CDK15: variants seen among roughly 807,000 people sequenced by gnomAD.
CDK15 encodes cyclin dependent kinase 15.
CDK15 carries 62 observed loss-of-function variants against 60.3 expected under a neutral mutation model. The observed-to-expected ratio is 1.03, with a 90% CI of 0.84 to 1.27. CDK15 has a LOEUF of 1.27. Among genes scored for constraint, CDK15 ranks in the 50% most tolerant of loss-of-function variants. CDK15 has a pLI of 0.00. For missense variants in CDK15, 541 were observed against 527.8 expected (o/e 1.03, Z -0.25); for synonymous variants, 194 against 195.7 (o/e 0.99, Z 0.07).
chr2:201,836,047 TTA>T (rs1218505569), intron 8 of CDK15, among the ~76,000 whole-genome samples: 91 of 74,960 alleles, frequency 1.2e-3, no homozygotes, highest in African/African-American at 3.1e-3. Flanking sequence ...TTATATATAT[TTA>T]TATATATATT....
intron 10 of CDK15, chr2:201,860,795 C>T (rs569792886): frequency 2.2e-6 from 3 of 1,352,062 alleles, no homozygotes; most frequent in Non-Finnish European, 2.9e-6. Flanking sequence ...CATCGTACTG[C>T]AGCAATGCAG....
At chr2:201,870,059 T>C (rs1698796669) in intron 10 of CDK15, among the ~76,000 whole-genome samples, 1 of 152,240 alleles carries the variant, frequency 6.6e-6, no homozygotes, top group Non-Finnish European at 1.5e-5. Flanking sequence ...CCACATTTGA[T>C]TGCGCCTGAC....
intron 3 of CDK15, 38 bp downstream of exon 3, chr2:201,807,990 G>C (rs750372686): frequency 6.5e-6 from 10 of 1,538,406 alleles, no homozygotes; most frequent in Admixed American, 1.8e-5. Flanking sequence ...TTAGAGATGA[G>C]AGTCCCGCCC....
intron 12 of CDK15, among the ~76,000 whole-genome samples, chr2:201,885,733 A>C (rs1238083367): frequency 6.6e-6 from 1 of 152,252 alleles, no homozygotes; most frequent in Non-Finnish European, 1.5e-5. Flanking sequence ...AGAGTTATTT[A>C]TAAAGGATCT....
intron 8 of CDK15, among the ~76,000 whole-genome samples, chr2:201,844,356 A>G (rs1697546108): frequency 6.6e-6 from 1 of 152,200 alleles, no homozygotes; most frequent in Non-Finnish European, 1.5e-5. Flanking sequence ...TAGGTTTCTC[A>G]GTTGGCTTAT....
chr2:201,822,214 C>T (rs1225083305), intron 4 of CDK15, among the ~76,000 whole-genome samples: 3 of 152,216 alleles, frequency 2.0e-5, no homozygotes, highest in Admixed American at 2.0e-4. Context: ...GCCGACTCCT[C>T]TTTTCAAGTT....
chr2:201,809,554 T>G (rs2106148659), intron 3 of CDK15, among the ~76,000 whole-genome samples: 1 of 152,368 alleles, frequency 6.6e-6, no homozygotes, highest in South Asian at 2.1e-4. Context: ...ATATTTGTGC[T>G]GCATGATTTT....
At position 201,843,414 on chromosome 2, in the gene CDK15, C is replaced by G. The variant is rs561437993; in HGVS notation, c.852-3967C>G. On this transcript the variant is annotated intron_variant, in intron 8 of 13. Coordinates refer to ENST00000652192, the MANE Select transcript of CDK15 (RefSeq NM_001366386.2). ...GTTGGCCAGGCTGGTCTCGAACTGACCTCATGATCTGCCCGCCTCGGCCTC... is the reference window on the plus strand; with the variant it reads ...GTTGGCCAGGCTGGTCTCGAACTGAGCTCATGATCTGCCCGCCTCGGCCTC... Among the ~76,000 whole-genome samples the G allele has an allele frequency of 2.0e-5, 3 of 152,124 alleles. No individual in the cohort carries two copies. In the South Asian group the frequency reaches 6.2e-4, roughly 32 times the overall value.
chr2:201,848,191 A>G (rs1697754359), intron 9 of CDK15, among the ~76,000 whole-genome samples: 1 of 152,144 alleles, frequency 6.6e-6, no homozygotes, highest in South Asian at 2.1e-4. Context: ...ACCATTTATC[A>G]TGCTTATCCA....
intron 1 of CDK15, among the ~76,000 whole-genome samples, chr2:201,807,204 A>G (rs1280469238): frequency 6.6e-6 from 1 of 152,234 alleles, no homozygotes; most frequent in Admixed American, 6.5e-5. Context: ...CATGAAAAAA[A>G]AAAGCCAGAC....
chr2:201,861,710 G>A (rs73057606), intron 10 of CDK15, among the ~76,000 whole-genome samples: 8,740 of 151,902 alleles, frequency 0.058, 814 homozygotes, highest in African/African-American at 0.19. Flanking sequence ...ACAGGCGCAC[G>A]CCACTGAACC....
chr2:201,806,861 G>A (rs765610831), intron 1 of CDK15, 74 bp downstream of exon 1: 27 of 1,537,622 alleles, frequency 1.8e-5, no homozygotes, highest in Admixed American at 1.0e-4. Flanking sequence ...TTTTTGTAGC[G>A]GGATCTGATT....
rs1188962914 is a variant in CDK15 at position 201,894,939 on chromosome 2, A to G, written c.*1672A>G. 1 of 152,048 alleles carries G rather than the reference A, an allele frequency of 6.6e-6. No individual in the cohort carries two copies. Among genetic ancestry groups the G allele is most frequent in the African/African-American group, 2.4e-5 (1 of 41,266 alleles). 9.4% of individuals were successfully genotyped at this position (152,048 alleles called of 1,614,324 possible). On this transcript the variant is annotated 3_prime_UTR_variant, in exon 14 of 14. Transcript: ENST00000652192. ...TTCTTACACTTTGGGCTACAACTTA[A>G]AAAAGGCTATGACTTAGTGGAAATT...
chr2:201,808,003 C>G lies in CDK15; in HGVS notation c.368+51C>G, dbSNP rs374756467. The G allele has an allele frequency of 2.3e-5, 34 of 1,478,870 alleles. No homozygotes were observed. The South Asian group carries it at 2.5e-4, about 11-fold the overall frequency. The allele number at this position is 1,478,870 out of a possible 1,614,324, so 91.6% of individuals were successfully genotyped here. A position where few individuals can be genotyped will look rare whatever the true frequency, so the allele number is the denominator to read the frequency against. Reference sequence around the variant, plus strand: ...CTTTAGAGATGAGAGTCCCGCCCCCCCAATTTCATATTATAAAGCCAGGTG... The same window carrying G: ...CTTTAGAGATGAGAGTCCCGCCCCCGCAATTTCATATTATAAAGCCAGGTG... On this transcript the variant is annotated intron_variant, in intron 3 of 13. Coordinates refer to ENST00000652192, the MANE Select transcript of CDK15 (RefSeq NM_001366386.2).
chr2:201,821,929 C>T lies in CDK15; in HGVS notation c.449-880C>T, dbSNP rs1192849042. On this transcript the variant is annotated intron_variant, in intron 4 of 13. Coordinates refer to ENST00000652192, the MANE Select transcript of CDK15 (RefSeq NM_001366386.2). Reference sequence around the variant, plus strand: ...CTCCTGACCTCAGGTGATCCACCCACCTCGGCCTCCCTGAGTGCTGGGATC... The same window carrying T: ...CTCCTGACCTCAGGTGATCCACCCATCTCGGCCTCCCTGAGTGCTGGGATC... Among the ~76,000 whole-genome samples the T allele has an allele frequency of 3.9e-5, 6 of 152,328 alleles. No individual in the cohort carries two copies. The South Asian group carries it at 1.2e-3, about 32-fold the overall frequency.
chr2:201,887,112 C>G (rs1232304414), intron 12 of CDK15, among the ~76,000 whole-genome samples: 1 of 152,186 alleles, frequency 6.6e-6, no homozygotes. Context: ...AGCAATGTCA[C>G]TGTTAAACAC....
chr2:201,878,387 T>C (rs1484345102), intron 11 of CDK15, among the ~76,000 whole-genome samples: 1 of 151,916 alleles, frequency 6.6e-6, no homozygotes, highest in Non-Finnish European at 1.5e-5. Flanking sequence ...CCTCCCACTC[T>C]AGGGTCTGTG....
At chr2:201,874,905 G>C (rs1384570401) in intron 11 of CDK15, among the ~76,000 whole-genome samples, 1 of 152,160 alleles carries the variant, frequency 6.6e-6, no homozygotes, top group Non-Finnish European at 1.5e-5. Flanking sequence ...TGTAGGTCTA[G>C]GGGGAAAACC....
rs755260494 is a variant in CDK15, at chr2:201,880,166, T to A, written c.1197T>A (p.Asp399Glu). 6.2e-7 allele frequency: 1 copy of A among 1,613,886 alleles called. No homozygotes were observed. The highest frequency in any genetic ancestry group is 1.1e-5 in the South Asian group (1 of 91,040). ...ALPSQLYQLP[D>E]EESLFTVSGV... ...CATCTCAGCTGTACCAGCTTCCTGATGGTGAGCGAGGGAGTGTGTGCGTGT... is the reference window on the plus strand; with the variant it reads ...CATCTCAGCTGTACCAGCTTCCTGAAGGTGAGCGAGGGAGTGTGTGCGTGT... The change falls in exon 12 of 14, where the codon GAT becomes GAA. Residue 399 changes from aspartate (D) to glutamate (E), a missense_variant and splice_region_variant. Asp to Glu is a conservative substitution (Grantham distance 45). Transcript: ENST00000652192.
Sources: gnomAD v4.1 joint callset for allele counts (sites outside exome capture counted in the v4.1 genomes callset) on GRCh38, gnomAD v4.1.1 for gene constraint, MANE v1.5 for transcripts, NCBI Gene and HGNC (gene_info 2026-07-23, HGNC 2026-07-21) for gene names.